Variants in EVPL observed in about 807,000 individuals in gnomAD.
EVPL encodes the protein envoplakin.
A neutral mutation model predicts 129.7 loss-of-function variants in EVPL; 94 were observed. That is an observed-to-expected ratio of 0.72 (90% CI 0.61 to 0.86). The LOEUF (loss-of-function observed/expected upper bound fraction) is 0.86, where lower values mean the gene tolerates loss of function less well. EVPL is among the 40% of genes least tolerant of loss of function. EVPL has a pLI of 0.00. For missense variants in EVPL, 2,625 were observed against 2,721.1 expected, an observed-to-expected ratio of 0.96 and a Z score of 0.79; for synonymous variants, 1,172 against 1,191.1, an observed-to-expected ratio of 0.98 and a Z score of 0.33.
chr17:76,018,906 G>A lies in EVPL; in HGVS notation c.1284+8C>T. ...ATGGTGGCAGGGGTGAGGTGGGGGA[G>A]TTCGCACTTCTCCTGAGTCCCAGTC... On this transcript the variant is annotated splice_region_variant and intron_variant, in intron 11 of 21. Transcript: ENST00000301607. 6.6e-7 allele frequency: 1 copy of A among 1,520,052 alleles called. No individual in the cohort carries two copies. Among genetic ancestry groups the A allele is most frequent in the Non-Finnish European group, 8.8e-7 (1 of 1,135,320 alleles). 94.2% of individuals were successfully genotyped at this position (1,520,052 alleles called of 1,614,324 possible).
chr17:76,019,794 A>G, intron 9 of EVPL, 141 bp from the exon 10 acceptor site: 2 of 1,105,532 alleles, frequency 1.8e-6, no homozygotes, highest in South Asian at 3.5e-5. Flanking sequence ...AACACAAACC[A>G]GATAAATGTG....
Position 76,015,592 on chromosome 17 carries a change from TCTC to T in EVPL, c.1744_1746del (p.Glu582del). ...TCGCACTCCTTCTGGGCTGTCTCCT[TCTC>T]CGTTCCCAGGCTCTGCAGGCGCTGG... On this transcript the variant is annotated inframe_deletion, in exon 15 of 22. Coordinates refer to ENST00000301607, the MANE Select transcript of EVPL (RefSeq NM_001988.4). The T allele has an allele frequency of 6.2e-7, 1 of 1,613,450 alleles. No individual in the cohort carries two copies. Among genetic ancestry groups the T allele is most frequent in the Non-Finnish European group, 8.5e-7 (1 of 1,179,962 alleles).
At position 76,010,251 on chromosome 17, in the gene EVPL, C is replaced by T. The variant is rs374963815; in HGVS notation, c.2954G>A (p.Arg985Gln). 27 of 1,613,894 alleles carry T rather than the reference C, an allele frequency of 1.7e-5. No individual in the cohort carries two copies. Among genetic ancestry groups the T allele is most frequent in the Middle Eastern group, 1.6e-4 (1 of 6,084 alleles). Residue 985 changes from arginine to glutamine, a missense_variant, in exon 22 of 22, where the codon CGG becomes CAG. Transcript: ENST00000301607. The stretch of plus-strand genomic sequence containing the variant: ...CAGGTCTGCCTGCAGGCCAGCCCGC[C>T]GCTTGCCCTCCTCCTCCACCTGGGC... Reference protein sequence around the residue: ...VKAQVEEEGKRRAGLQADLEV... With the variant: ...VKAQVEEEGKQRAGLQADLEV...
intron 20 of EVPL, 21 bp from the exon 21 acceptor site, chr17:76,011,689 G>A (rs1670819148): frequency 6.2e-7 from 1 of 1,613,382 alleles, no homozygotes; most frequent in Non-Finnish European, 8.5e-7. Context: ...CAGAGGGAGA[G>A]GGGAAGGGCA....
At position 76,019,584 on chromosome 17, in the gene EVPL, T is replaced by A; in HGVS notation, c.1081A>T (p.Ser361Cys). The change falls in exon 10 of 22, where the codon AGC (serine) becomes TGC (cysteine). Residue 361 changes from serine to cysteine, a missense_variant. Transcript: ENST00000301607. The stretch of plus-strand genomic sequence containing the variant: ...CCAGGGGGGCCCCCAGGTGCAGGGC[T>A]GTACTTGGCATCCAAGTTGGAGTTG... ...KLNSNLDAKY[S>C]PAPGGPPGAP... 6.2e-7 allele frequency: 1 copy of A among 1,603,894 alleles called. No homozygotes were observed. Among genetic ancestry groups the A allele is most frequent in the Non-Finnish European group, 8.5e-7 (1 of 1,175,718 alleles).
Position 76,022,398 on chromosome 17 carries a change from T to A in EVPL, c.606+15A>T. The A allele has an allele frequency of 6.2e-7, 1 of 1,613,262 alleles. No individual in the cohort carries two copies. The highest frequency in any genetic ancestry group is 1.1e-5 in the South Asian group (1 of 91,028). On this transcript the variant is annotated intron_variant, in intron 5 of 21. Coordinates refer to ENST00000301607, the MANE Select transcript of EVPL (RefSeq NM_001988.4). This position sits in a 1 kb window ranked among gnomAD's most constrained non-coding sequence, Gnocchi z 5.6. ...GGGGCTGGCCCCGGATGTGACATCC[T>A]CCAGGCTCACCTACCGGCCCCACGA...
Position 76,010,249 on chromosome 17 carries a change from G to C in EVPL, c.2956C>G (p.Arg986Gly), listed in dbSNP as rs777626478. The C allele has an allele frequency of 3.1e-6, 5 of 1,613,948 alleles. No individual in the cohort carries two copies. Among genetic ancestry groups the C allele is most frequent in the Non-Finnish European group, 4.2e-6 (5 of 1,180,024 alleles). The change falls in exon 22 of 22, where the codon CGG becomes GGG. Residue 986 changes from arginine to glycine, a missense_variant. This residue lies in a region of EVPL where 1,453 missense variants were observed against 1,511.8 expected (regional missense o/e 0.96). Coordinates refer to ENST00000301607, the MANE Select transcript of EVPL (RefSeq NM_001988.4). ...KAQVEEEGKR[R>G]AGLQADLEVA... is the part of the protein sequence containing the mutation. ...TCCAGGTCTGCCTGCAGGCCAGCCC[G>C]CCGCTTGCCCTCCTCCTCCACCTGG...
At chr17:76,010,629 G>A (rs2066370144) in intron 21 of EVPL, 86 bp from the exon 22 acceptor site, 1 of 1,410,822 alleles carries the variant, frequency 7.1e-7, no homozygotes, top group African/African-American at 1.4e-5. Context: ...ACCCCTCCCT[G>A]TTTCCTGAGA....
At chr17:76,018,068 C>T in intron 13 of EVPL, 93 bp downstream of exon 13, 1 of 1,532,738 alleles carries the variant, frequency 6.5e-7, no homozygotes, top group Non-Finnish European at 8.8e-7. Flanking sequence ...GGTCCCTAAC[C>T]CAAGGCGACC....
chr17:76,013,909 G>A lies in EVPL; in HGVS notation c.2373+517C>T, dbSNP rs999640123. On this transcript the variant is annotated intron_variant, in intron 18 of 21. Transcript: ENST00000301607. The surrounding 1 kb of genome is among the most constrained non-coding windows in gnomAD (Gnocchi z 4.3). Reference sequence around the variant, plus strand: ...AAGGGCCTGTGTGGTCTGCCCATCTGGTCGCCCTCGCCCCTGAGTCCCCCT... The same window carrying A: ...AAGGGCCTGTGTGGTCTGCCCATCTAGTCGCCCTCGCCCCTGAGTCCCCCT... Among the ~76,000 whole-genome samples, 7 of 152,074 alleles carry A rather than the reference G, an allele frequency of 4.6e-5. No homozygotes were observed. The highest frequency in any genetic ancestry group is 2.6e-4 in the Admixed American group (4 of 15,276).
chr17:76,019,881 C>G (rs1401129000), intron 9 of EVPL, among the ~76,000 whole-genome samples: 1 of 152,018 alleles, frequency 6.6e-6, no homozygotes, highest in East Asian at 1.9e-4. Flanking sequence ...TAAACCTAAA[C>G]CAGAAAAACC....
At chr17:76,026,029 C>T (rs1304472632) in intron 1 of EVPL, among the ~76,000 whole-genome samples, 1 of 151,172 alleles carries the variant, frequency 6.6e-6, no homozygotes, top group African/African-American at 2.4e-5. Context: ...GCAGCCTCGA[C>T]TTCCCGGGCT....
intron 14 of EVPL, 64 bp from the exon 15 acceptor site, chr17:76,015,692 T>A: frequency 1.3e-6 from 2 of 1,522,826 alleles, no homozygotes; most frequent in Non-Finnish European, 1.8e-6. Context: ...TCTACCAGGA[T>A]ACCCTAACTC....
rs2066439569 is a variant in EVPL, at chr17:76,019,064, C to A, written c.1138-4G>T. 1 of 1,575,116 alleles carries A rather than the reference C, an allele frequency of 6.3e-7. No homozygotes were observed. Among genetic ancestry groups the A allele is most frequent in the Non-Finnish European group, 8.6e-7 (1 of 1,168,774 alleles). ...CGGCCAGCCGTTTTTCCTCTGCCTG[C>A]CGGGGGCCCAGGCAGTGGGGGACTC... On this transcript the variant is annotated splice_region_variant and splice_polypyrimidine_tract_variant and intron_variant, in intron 10 of 21. Transcript: ENST00000301607.
chr17:76,020,101 A>C (rs1297394996), intron 9 of EVPL, among the ~76,000 whole-genome samples: 3 of 151,588 alleles, frequency 2.0e-5, no homozygotes, highest in Non-Finnish European at 2.9e-5. Context: ...CCAGCTAAAC[A>C]CAAACCAGAT....
At position 76,008,919 on chromosome 17, in the gene EVPL, C is replaced by T. The variant is rs758336462; in HGVS notation, c.4286G>A (p.Arg1429His). 8.7e-6 allele frequency: 14 copies of T among 1,612,958 alleles called. No individual in the cohort carries two copies. The Admixed American group carries it at 1.5e-4, about 17-fold the overall frequency. ...CCTCTCCACGGCCAGCTTCTTGCTG[C>T]GGTCCTCCTGGAAGCTGAGCAGGCC... ...QEGLLSFQED[R>H]SKKLAVEREL... is the part of the protein sequence containing the mutation. Residue 1429 changes from arginine to histidine, a missense_variant, in exon 22 of 22, where the codon CGC becomes CAC. By Grantham distance (29) the Arg-to-His change is conservative. Around this residue, in one of 4 missense-constraint regions of EVPL, gnomAD observed 1,453 missense variants for 1,511.8 expected, o/e 0.96. Transcript: ENST00000301607. This position sits in a 1 kb window ranked among gnomAD's most constrained non-coding sequence, Gnocchi z 7.4.
At position 76,009,685 on chromosome 17, in the gene EVPL, T is replaced by A. The variant is rs1244434668; in HGVS notation, c.3520A>T (p.Ser1174Cys). The A allele has an allele frequency of 5.6e-6, 9 of 1,613,524 alleles. No homozygotes were observed. Among genetic ancestry groups the A allele is most frequent in the Non-Finnish European group, 7.6e-6 (9 of 1,180,002 alleles). ...ACGCTGTACTTGCTGTGCAGGTCGC[T>A]CAGCTCCCTGGCCAGCGTCGCGTTC... ...TKNATLAREL[S>C]DLHSKYSVVE... The change falls in exon 22 of 22, where the codon AGC (serine) becomes TGC (cysteine). Residue 1174 changes from serine (S) to cysteine (C), a missense_variant. By Grantham distance (112) the Ser-to-Cys change is moderately radical. Coordinates refer to ENST00000301607, the MANE Select transcript of EVPL (RefSeq NM_001988.4). The surrounding 1 kb of genome is among the most constrained non-coding windows in gnomAD (Gnocchi z 5.9).
Position 76,011,628 on chromosome 17 carries a change from G to A in EVPL, c.2609C>T (p.Ala870Val). The A allele has an allele frequency of 6.2e-7, 1 of 1,614,206 alleles. No homozygotes were observed. The highest frequency in any genetic ancestry group is 8.5e-7 in the Non-Finnish European group (1 of 1,180,038). The change falls in exon 21 of 22, where the codon GCA (alanine) becomes GTA (valine). Residue 870 changes from alanine to valine, a missense_variant. Physicochemically the swap from Ala to Val is moderately conservative, Grantham distance 64. Transcript: ENST00000301607. ...LAKAYTEVAA[A>V]QQQLLQQLEF... is the part of the protein sequence containing the mutation. The stretch of plus-strand genomic sequence containing the variant: ...CAGCTGCTGGAGCAGCTGCTGCTGT[G>A]CTGCTGCAACCTCAGTATAGGCCTT...
intron 21 of EVPL, 130 bp downstream of exon 21, chr17:76,011,446 A>C: frequency 1.2e-6 from 1 of 832,450 alleles, no homozygotes; most frequent in Non-Finnish European, 2.0e-6. Context: ...AGAGCTGCCC[A>C]GGGGCTGCAG....
Sources: allele counts gnomAD v4.1 joint callset (sites outside exome capture counted in the v4.1 genomes callset), GRCh38; gene constraint gnomAD v4.1.1; regional missense constraint gnomAD v4.1.1; non-coding constraint Gnocchi (gnomAD v3.1); transcripts MANE v1.5; gene names NCBI Gene and HGNC (gene_info 2026-07-23, HGNC 2026-07-21).